TEDC2: variants seen among roughly 807,000 people sequenced by gnomAD.
TEDC2 encodes the protein tubulin epsilon and delta complex protein 2.
TEDC2 carries 49 observed loss-of-function variants against 48.1 expected under a neutral mutation model. The ratio of observed to expected loss-of-function variants is 1.02; its 90% confidence interval spans 0.81 to 1.29. The LOEUF (loss-of-function observed/expected upper bound fraction) is 1.29, where lower values mean the gene tolerates loss of function less well. Among genes scored for constraint, TEDC2 ranks in the 50% most tolerant of loss-of-function variants. The pLI is 0.00. For missense variants in TEDC2, 631 were observed against 571.4 expected, an observed-to-expected ratio of 1.10 and a Z score of -1.06; for synonymous variants, 299 against 247.1, an observed-to-expected ratio of 1.21 and a Z score of -1.97.
Position 2,464,190 on chromosome 16 carries a change from G to A in TEDC2, c.1116G>A (p.Leu372=), listed in dbSNP as rs1203693072. The A allele has an allele frequency of 6.2e-7, 1 of 1,612,152 alleles. No individual in the cohort carries two copies. The highest frequency in any genetic ancestry group is 8.5e-7 in the Non-Finnish European group (1 of 1,179,756). Residue 372 remains leucine, a synonymous_variant, in exon 9 of 10, where the codon CTG becomes CTA. Coordinates refer to ENST00000361837, the MANE Select transcript of TEDC2 (RefSeq NM_025108.3). ...QELQTLAALK[L]RVAVLDQQIH... Reference sequence around the variant, plus strand: ...TGCAGACCCTGGCGGCCCTCAAGCTGCGAGTGGCTGTGCTGGACCAGCAGA... The same window carrying A: ...TGCAGACCCTGGCGGCCCTCAAGCTACGAGTGGCTGTGCTGGACCAGCAGA...
intron 8 of TEDC2, 50 bp from the exon 9 acceptor site, chr16:2,463,989 G>GCC: frequency 6.4e-7 from 1 of 1,566,868 alleles, no homozygotes. Flanking sequence ...GAAAAGCGGG[G>GCC]CCCTGGGTTC....
At position 2,464,870 on chromosome 16, in the gene TEDC2, G is replaced by C; in HGVS notation, c.*202G>C. 1.5e-6 allele frequency: 1 copy of C among 668,656 alleles called. No individual in the cohort carries two copies. The allele number at this position is 668,656 out of a possible 1,614,324, so 41.4% of individuals were successfully genotyped here. On this transcript the variant is annotated 3_prime_UTR_variant, in exon 10 of 10. Coordinates refer to ENST00000361837, the MANE Select transcript of TEDC2 (RefSeq NM_025108.3). Reference sequence around the variant, plus strand: ...GCCTTCCTAAGGCTCCTGGACTCCAGAGGCCAGCGGGGAGCCTTTCCTGGC... The same window carrying C: ...GCCTTCCTAAGGCTCCTGGACTCCACAGGCCAGCGGGGAGCCTTTCCTGGC...
chr16:2,462,771 C>A (rs1278946732), intron 8 of TEDC2, 39 bp downstream of exon 8: 2 of 1,497,914 alleles, frequency 1.3e-6, no homozygotes, highest in South Asian at 1.3e-5. Context: ...GCACTGAGGT[C>A]TGGGCCGGGG....
rs1040208740 is a variant in TEDC2, at chr16:2,460,807, C to T, written c.197-9C>T. 3 of 1,610,288 alleles carry T rather than the reference C, an allele frequency of 1.9e-6. No homozygotes were observed. The highest frequency in any genetic ancestry group is 1.3e-5 in the African/African-American group (1 of 74,858). ...GGAGAGATCCCTGCATAATTCTTGGCTTTCACAGCATGCACACCCAGTCCA... is the reference window on the plus strand; with the variant it reads ...GGAGAGATCCCTGCATAATTCTTGGTTTTCACAGCATGCACACCCAGTCCA... On this transcript the variant is annotated splice_polypyrimidine_tract_variant and intron_variant, in intron 3 of 9. Coordinates refer to ENST00000361837, the MANE Select transcript of TEDC2 (RefSeq NM_025108.3).
rs1165604407 is a variant in TEDC2 at position 2,461,030 on chromosome 16, A to G, written c.411A>G (p.Arg137=). ...GQAGGHASDT[R]PTKGLRQTTV... ...CTGGTGGCCATGCTTCAGACACGAG[A>G]CCCACCAAGGGCCTCCGCCAGACCA... The change falls in exon 4 of 10, where the codon AGA becomes AGG. Residue 137 remains arginine, a synonymous_variant. Transcript: ENST00000361837. 4.3e-6 allele frequency: 7 copies of G among 1,612,030 alleles called. No individual in the cohort carries two copies. Among genetic ancestry groups the G allele is most frequent in the Non-Finnish European group, 5.9e-6 (7 of 1,179,368 alleles).
chr16:2,462,577 G>T (rs2065473728), intron 7 of TEDC2, 51 bp downstream of exon 7: 1 of 1,555,924 alleles, frequency 6.4e-7, no homozygotes, highest in East Asian at 2.3e-5. Flanking sequence ...GCCAGTGCAG[G>T]GAGGGTTTCC....
rs774114894 is a variant in TEDC2 at position 2,460,394 on chromosome 16, C to T, written c.125+13C>T. ...TGCTGCATGCCTGGTACGCGGACCC[C>T]GGACCCACTGGCCAGACCTCCCTCG... On this transcript the variant is annotated intron_variant, in intron 2 of 9. Coordinates refer to ENST00000361837, the MANE Select transcript of TEDC2 (RefSeq NM_025108.3). The T allele has an allele frequency of 6.5e-7, 1 of 1,544,758 alleles. No individual in the cohort carries two copies. Among genetic ancestry groups the T allele is most frequent in the East Asian group, 2.5e-5 (1 of 40,714 alleles).
In TEDC2 at chr16:2,462,455, A is replaced by T. The variant is rs2065472661; in HGVS notation, c.791A>T (p.Glu264Val). 1 of 1,611,316 alleles carries T rather than the reference A, an allele frequency of 6.2e-7. No individual in the cohort carries two copies. The highest frequency in any genetic ancestry group is 1.8e-4 in the Middle Eastern group (1 of 5,632). The change falls in exon 7 of 10, where the codon GAG (glutamate) becomes GTG (valine). Residue 264 changes from glutamate (E) to valine (V), a missense_variant. Coordinates refer to ENST00000361837, the MANE Select transcript of TEDC2 (RefSeq NM_025108.3). ...PQPRLSAVEVEAEAGRLRKAC... is the reference protein window; with the variant it reads ...PQPRLSAVEVVAEAGRLRKAC... Reference sequence around the variant, plus strand: ...CCCAGGCTCAGTGCTGTGGAGGTGGAGGCGGAGGCGGGGCGCCTGCGGAAG... The same window carrying T: ...CCCAGGCTCAGTGCTGTGGAGGTGGTGGCGGAGGCGGGGCGCCTGCGGAAG...
In TEDC2 at chr16:2,462,696, G is replaced by C; in HGVS notation, c.928G>C (p.Gly310Arg). The change falls in exon 8 of 10, where the codon GGC becomes CGC. Residue 310 changes from glycine (G) to arginine (R), a missense_variant. Transcript: ENST00000361837. ...LTLEGLQAMV[G>R]QCLHRLQELR... ...GCTGGAGGGGCTGCAGGCCATGGTG[G>C]GCCAGTGTCTGCACAGGCTGCAGGA... The C allele has an allele frequency of 6.5e-7, 1 of 1,545,184 alleles. No individual in the cohort carries two copies. Among genetic ancestry groups the C allele is most frequent in the Non-Finnish European group, 8.7e-7 (1 of 1,146,886 alleles).
intron 4 of TEDC2, 184 bp from the exon 5 acceptor site, chr16:2,461,563 A>G (rs2065466955): frequency 1.4e-6 from 1 of 694,880 alleles, no homozygotes. Flanking sequence ...CTAATGGGGC[A>G]GCACTGGACG....
chr16:2,461,066 C>T lies in TEDC2; in HGVS notation c.447C>T (p.Ala149=). ...TKGLRQTTVP[A]KGHPERRLLS... ...GCCTCCGCCAGACCACGGTGCCTGC[C>T]AAGGGCCACCCTGAGCGCCGGCTGC... Residue 149 remains alanine (A), a synonymous_variant, in exon 4 of 10, where the codon GCC becomes GCT. Transcript: ENST00000361837. 6.2e-7 allele frequency: 1 copy of T among 1,603,316 alleles called. No individual in the cohort carries two copies. The highest frequency in any genetic ancestry group is 8.5e-7 in the Non-Finnish European group (1 of 1,173,138).
At chr16:2,460,443 C>G in intron 2 of TEDC2, 62 bp downstream of exon 2, 1 of 1,530,422 alleles carries the variant, frequency 6.5e-7, no homozygotes, top group Admixed American at 2.1e-5. Context: ...CCGCCCCGAG[C>G]GCCCAGGGCT....
intron 2 of TEDC2, 67 bp from the exon 3 acceptor site, chr16:2,460,556 C>T: frequency 6.3e-7 from 1 of 1,580,690 alleles, no homozygotes; most frequent in Non-Finnish European, 8.6e-7. Flanking sequence ...GGCCCGGCGG[C>T]CCCCTCGGGT....
rs749324591 is a variant in TEDC2, at chr16:2,460,847, G to T, written c.228G>T (p.Glu76Asp). ...ACTPSPQDLKELEFLTQALEK... is the reference protein window; with the variant it reads ...ACTPSPQDLKDLEFLTQALEK... The stretch of plus-strand genomic sequence containing the variant: ...CACCCAGTCCACAAGACCTCAAAGA[G>T]TTGGAGTTTCTGACCCAGGCACTGG... The change falls in exon 4 of 10, where the codon GAG becomes GAT. Residue 76 changes from glutamate to aspartate, a missense_variant. Glu to Asp is a conservative substitution (Grantham distance 45, BLOSUM62 2). Coordinates refer to ENST00000361837, the MANE Select transcript of TEDC2 (RefSeq NM_025108.3). 6.2e-7 allele frequency: 1 copy of T among 1,613,224 alleles called. No homozygotes were observed. The highest frequency in any genetic ancestry group is 8.5e-7 in the Non-Finnish European group (1 of 1,179,894).
chr16:2,464,028 T>G lies in TEDC2; in HGVS notation c.965-11T>G, dbSNP rs769601549. The G allele has an allele frequency of 6.2e-7, 1 of 1,609,778 alleles. No individual in the cohort carries two copies. Among genetic ancestry groups the G allele is most frequent in the East Asian group, 2.2e-5 (1 of 44,768 alleles). On this transcript the variant is annotated splice_polypyrimidine_tract_variant and intron_variant, in intron 8 of 9. Coordinates refer to ENST00000361837, the MANE Select transcript of TEDC2 (RefSeq NM_025108.3). Reference sequence around the variant, plus strand: ...TGCTACCCCAAAGGCCACATTCTCCTGTGCACACAGCGGTGGCGGAACAGC... The same window carrying G: ...TGCTACCCCAAAGGCCACATTCTCCGGTGCACACAGCGGTGGCGGAACAGC...
chr16:2,460,809 T>C lies in TEDC2; in HGVS notation c.197-7T>C. On this transcript the variant is annotated splice_polypyrimidine_tract_variant and splice_region_variant and intron_variant, in intron 3 of 9. Transcript: ENST00000361837. ...AGAGATCCCTGCATAATTCTTGGCT[T>C]TCACAGCATGCACACCCAGTCCACA... 4.3e-6 allele frequency: 7 copies of C among 1,610,778 alleles called. No homozygotes were observed. The highest frequency in any genetic ancestry group is 5.9e-6 in the Non-Finnish European group (7 of 1,178,316).
At chr16:2,463,988 G>A (rs1396880489) in intron 8 of TEDC2, 51 bp from the exon 9 acceptor site, 1 of 1,564,204 alleles carries the variant, frequency 6.4e-7, no homozygotes, top group Non-Finnish European at 8.7e-7. Context: ...GGAAAAGCGG[G>A]GCCCTGGGTT....
chr16:2,464,742 C>T lies in TEDC2; in HGVS notation c.*74C>T. The stretch of plus-strand genomic sequence containing the variant: ...CTTCCCTGGCACTGTGCTCGGGGAC[C>T]CAGAGATGCCTGTGCTTCCCTGGGA... On this transcript the variant is annotated 3_prime_UTR_variant, in exon 10 of 10. Coordinates refer to ENST00000361837, the MANE Select transcript of TEDC2 (RefSeq NM_025108.3). The T allele has an allele frequency of 6.3e-7, 1 of 1,575,154 alleles. No individual in the cohort carries two copies. Among genetic ancestry groups the T allele is most frequent in the Non-Finnish European group, 8.6e-7 (1 of 1,158,030 alleles).
At position 2,463,971 on chromosome 16, in the gene TEDC2, G is replaced by A. The variant is rs761680512; in HGVS notation, c.965-68G>A. 2.0e-6 allele frequency: 3 copies of A among 1,519,824 alleles called. No individual in the cohort carries two copies. The East Asian group carries it at 6.9e-5, about 35-fold the overall frequency. 94.1% of individuals were successfully genotyped at this position (1,519,824 alleles called of 1,614,324 possible). On this transcript the variant is annotated intron_variant, in intron 8 of 9. Transcript: ENST00000361837. ...GGTGGTGCAGATGCGGGAGGGCCAGGCACACAGGAAAAGCGGGGCCCTGGG... is the reference window on the plus strand; with the variant it reads ...GGTGGTGCAGATGCGGGAGGGCCAGACACACAGGAAAAGCGGGGCCCTGGG...
Sources: allele counts gnomAD v4.1 joint callset, GRCh38; gene constraint gnomAD v4.1.1; transcripts MANE v1.5; gene names NCBI Gene and HGNC (gene_info 2026-07-23, HGNC 2026-07-21).